KDR: variants seen among roughly 807,000 people sequenced by gnomAD.
KDR encodes kinase insert domain receptor, also known as vascular endothelial growth factor receptor 2.
KDR carries 43 observed loss-of-function variants against 160.9 expected under a neutral mutation model. The ratio of observed to expected loss-of-function variants is 0.27; its 90% CI spans 0.21 to 0.34. KDR has a LOEUF of 0.34. KDR is among the 10% of genes least tolerant of loss of function. The pLI, the probability that KDR is intolerant of heterozygous loss-of-function variation, is 1.00. For missense variants in KDR, 1,469 were observed against 1,666.4 expected (o/e 0.88, Z 2.06); for synonymous variants, 617 against 600.1 (o/e 1.03, Z -0.41).
intron 15 of KDR, among the ~76,000 whole-genome samples, chr4:55,101,131 ATTGAC>A (rs1404422353): frequency 6.6e-6 from 1 of 152,216 alleles, no homozygotes; most frequent in Non-Finnish European, 1.5e-5. Context: ...TCTGGATAGC[ATTGAC>A]TGCCATGATT....
At chr4:55,098,673 G>T (rs1412076256) in intron 16 of KDR, 24 bp downstream of exon 16, 2 of 1,541,896 alleles carry the variant, frequency 1.3e-6, no homozygotes, top group Non-Finnish European at 1.8e-6. Context: ...ATGTGCATGG[G>T]CAGAAGGGAA....
At chr4:55,098,366 G>T in intron 16 of KDR, 94 bp from the exon 17 acceptor site, 2 of 1,434,152 alleles carry the variant, frequency 1.4e-6, no homozygotes, top group Admixed American at 1.8e-5. Flanking sequence ...CCTCATTCCT[G>T]TCTCATTTTC....
intron 20 of KDR, 143 bp downstream of exon 20, chr4:55,095,434 A>T: frequency 1.5e-6 from 1 of 688,148 alleles, no homozygotes. Context: ...AAGGTAAAAG[A>T]GGAAGTTACA....
chr4:55,092,836 G>C, intron 21 of KDR, 122 bp from the exon 22 acceptor site: 1 of 716,822 alleles, frequency 1.4e-6, no homozygotes, highest in South Asian at 1.5e-5. Flanking sequence ...AATAGAAGCA[G>C]AGAGTCAATG....
At chr4:55,109,032 C>T (rs532570456) in intron 9 of KDR, among the ~76,000 whole-genome samples, 1 of 152,162 alleles carries the variant, frequency 6.6e-6, no homozygotes, top group South Asian at 2.1e-4. Context: ...TCCAGTTTCT[C>T]CTCTCCCCAG....
In KDR at chr4:55,118,614, G is replaced by A. The variant is rs375004560; in HGVS notation, c.348C>T (p.Val116=). 9 of 1,612,812 alleles carry A rather than the reference G, an allele frequency of 5.6e-6. No individual in the cohort carries two copies. Among genetic ancestry groups the A allele is most frequent in the Non-Finnish European group, 5.9e-6 (7 of 1,178,794 alleles). Reference sequence around the variant, plus strand: ...TATTTCACCACTTACCTTGAACATAGACATAAATGACCGAGGCCAAGTCAG... The same window carrying A: ...TATTTCACCACTTACCTTGAACATAAACATAAATGACCGAGGCCAAGTCAG... ...RETDLASVIY[V]YVQDYRSPFI... Residue 116 remains valine (V), a synonymous_variant, in exon 3 of 30, where the codon GTC becomes GTT. Coordinates refer to ENST00000263923, the MANE Select transcript of KDR (RefSeq NM_002253.4).
At chr4:55,098,641 T>C in intron 16 of KDR, 56 bp downstream of exon 16, 2 of 1,330,794 alleles carry the variant, frequency 1.5e-6, no homozygotes, top group African/African-American at 1.4e-5. Flanking sequence ...CCCCAGTCAG[T>C]TTTCATTAAT....
intron 24 of KDR, 46 bp from the exon 25 acceptor site, chr4:55,089,519 T>G (rs1481564574): frequency 1.3e-6 from 2 of 1,493,012 alleles, no homozygotes; most frequent in South Asian, 2.3e-5. Context: ...GATTTTCTCT[T>G]ATAGAAAACC....
At chr4:55,112,642 C>G (rs1300644343) in intron 7 of KDR, among the ~76,000 whole-genome samples, 2 of 151,476 alleles carry the variant, frequency 1.3e-5, no homozygotes, top group Non-Finnish European at 2.9e-5. Flanking sequence ...AATTCTCCTG[C>G]CTCAGCCTCC....
In KDR at chr4:55,106,741, T is replaced by G. The variant is rs971235567; in HGVS notation, c.1482A>C (p.Gly494=). Residue 494 remains glycine, a synonymous_variant, in exon 11 of 30, where the codon GGA becomes GGC. Coordinates refer to ENST00000263923, the MANE Select transcript of KDR (RefSeq NM_002253.4). The part of the protein sequence containing the change: ...EWRSVEDFQG[G]NKIEVNKNQF... ...GATTTTTATTAACTTCAATTTTATT[T>G]CCTCCCTGGAAGTCCTCCACACTTC... The G allele has an allele frequency of 6.3e-7, 1 of 1,588,584 alleles. No homozygotes were observed. Among genetic ancestry groups the G allele is most frequent in the African/African-American group, 1.3e-5 (1 of 74,430 alleles).
At chr4:55,118,847 T>C in intron 2 of KDR, 47 bp from the exon 3 acceptor site, 1 of 1,487,874 alleles carries the variant, frequency 6.7e-7, no homozygotes, top group South Asian at 1.1e-5. Context: ...TGCCAGACTG[T>C]GAGGCTATTT....
At chr4:55,088,822 C>T (rs1486591139) in intron 26 of KDR, 46 bp downstream of exon 26, 4 of 1,324,206 alleles carry the variant, frequency 3.0e-6, no homozygotes, top group Non-Finnish European at 4.4e-6. Flanking sequence ...AAGTCCTTGA[C>T]ATCTAAGTAC....
At chr4:55,125,092 G>A in intron 1 of KDR, 135 bp downstream of exon 1, 1 of 846,710 alleles carries the variant, frequency 1.2e-6, no homozygotes, top group Non-Finnish European at 1.9e-6. Flanking sequence ...TTTCCCCACT[G>A]GTAAATGAAA....
intron 16 of KDR, 115 bp downstream of exon 16, chr4:55,098,582 A>C (rs1207044391): frequency 6.0e-6 from 5 of 827,972 alleles, no homozygotes; most frequent in Non-Finnish European, 1.0e-5. Flanking sequence ...TATTGAAATA[A>C]AAATGTGCCC....
chr4:55,115,439 A>T, intron 3 of KDR, 28 bp from the exon 4 acceptor site: 1 of 1,203,718 alleles, frequency 8.3e-7, no homozygotes, highest in Non-Finnish European at 1.2e-6. Flanking sequence ...TTTATTAATG[A>T]GTTAATAGTA....
At chr4:55,082,686 A>G (rs1309518866) in intron 27 of KDR, 51 bp from the exon 28 acceptor site, 1 of 1,352,308 alleles carries the variant, frequency 7.4e-7, no homozygotes, top group Non-Finnish European at 1.1e-6. Flanking sequence ...TTGACTGCAG[A>G]TCGGCTACCT....
At chr4:55,097,182 A>AT (rs540144076) in intron 18 of KDR, among the ~76,000 whole-genome samples, 96 of 152,182 alleles carry the variant, frequency 6.3e-4, no homozygotes, top group African/African-American at 2.1e-3. Flanking sequence ...AACCCATTAT[A>AT]TTTTTTTCTA....
In KDR at chr4:55,096,350, T is replaced by A; in HGVS notation, c.2615-8A>T. 1 of 1,590,216 alleles carries A rather than the reference T, an allele frequency of 6.3e-7. No individual in the cohort carries two copies. Among genetic ancestry groups the A allele is most frequent in the Non-Finnish European group, 8.6e-7 (1 of 1,159,218 alleles). On this transcript the variant is annotated splice_polypyrimidine_tract_variant and splice_region_variant and intron_variant, in intron 18 of 29. Transcript: ENST00000263923. Reference sequence around the variant, plus strand: ...CACTGTGTGTTGCTCCTTCTACAAATACAGTACAAAGAGGGAAATCATAGG... The same window carrying A: ...CACTGTGTGTTGCTCCTTCTACAAAAACAGTACAAAGAGGGAAATCATAGG...
chr4:55,092,622 G>A lies in KDR; in HGVS notation c.3064C>T (p.Arg1022Ter), dbSNP rs1720047506. The A allele has an allele frequency of 3.7e-6, 6 of 1,610,350 alleles. No individual in the cohort carries two copies. Among genetic ancestry groups the A allele is most frequent in the Non-Finnish European group, 4.2e-6 (5 of 1,176,700 alleles). Residue 1022 changes from arginine (R) to a stop codon, truncating the protein, a stop_gained, in exon 22 of 30, where the codon CGA becomes TGA. Coordinates refer to ENST00000263923, the MANE Select transcript of KDR (RefSeq NM_002253.4). LOFTEE classifies it high-confidence loss of function. ...VAKGMEFLAS[R>*]KCIHRDLAAR... ...TTCCCCTCAACCTTTCTTACCTTTC[G>A]CGATGCCAAGAACTCCATGCCCTTA...
Sources: gnomAD v4.1 joint callset for allele counts (sites outside exome capture counted in the v4.1 genomes callset) on GRCh38, gnomAD v4.1.1 for gene constraint, MANE v1.5 for transcripts, NCBI Gene and HGNC (gene_info 2026-07-23, HGNC 2026-07-21) for gene names.